The following SH3RF3 variants were observed in gnomAD, a reference collection of about 807,000 sequenced individuals.
SH3RF3 encodes the protein E3 ubiquitin-protein ligase SH3RF3.
Under a neutral mutation model 66.3 loss-of-function variants are expected in SH3RF3, and 29 were observed. The observed-to-expected ratio is 0.44, with a 90% confidence interval of 0.33 to 0.60. The LOEUF is 0.60. Ranked by LOEUF, SH3RF3 falls within the 20% of genes least tolerant of loss-of-function variation. The pLI is 0.04. For missense variants in SH3RF3, 1,194 were observed against 1,190.9 expected (o/e 1.00, Z -0.04); for synonymous variants, 583 against 532.0 (o/e 1.10, Z -1.32).
intron 1 of SH3RF3, among the ~76,000 whole-genome samples, chr2:109,338,523 A>G (rs963954947): frequency 1.3e-5 from 2 of 152,040 alleles, no homozygotes; most frequent in African/African-American, 2.4e-5. Flanking sequence ...AGTTAGGGCA[A>G]CAACCCCCGG....
At chr2:109,222,116 G>T (rs537626536) in intron 1 of SH3RF3, among the ~76,000 whole-genome samples, 12 of 152,170 alleles carry the variant, frequency 7.9e-5, no homozygotes, top group African/African-American at 2.7e-4. Context: ...AATATTGGAC[G>T]ATCTCACTCA....
chr2:109,211,730 C>T (rs779047240), intron 1 of SH3RF3, among the ~76,000 whole-genome samples: 1 of 151,930 alleles, frequency 6.6e-6, no homozygotes, highest in Non-Finnish European at 1.5e-5. Context: ...CTTCAACCTC[C>T]GCCTGCTGGG....
chr2:109,438,167 G>A (rs1368287611), intron 7 of SH3RF3, among the ~76,000 whole-genome samples: 1 of 152,338 alleles, frequency 6.6e-6, no homozygotes, highest in East Asian at 1.9e-4. Flanking sequence ...GTCAGCAGAG[G>A]CCATATTTCC....
chr2:109,301,844 T>C (rs1681476737), intron 1 of SH3RF3, among the ~76,000 whole-genome samples: 1 of 152,208 alleles, frequency 6.6e-6, no homozygotes, highest in Non-Finnish European at 1.5e-5. Flanking sequence ...CTTTAGCATG[T>C]TTGAGAATTT....
chr2:109,406,954 T>C (rs913264623), intron 4 of SH3RF3, among the ~76,000 whole-genome samples: 1 of 152,136 alleles, frequency 6.6e-6, no homozygotes, highest in Non-Finnish European at 1.5e-5. Context: ...ACTCAGCAAG[T>C]TTGCATTTCT....
chr2:109,401,319 G>T (rs1676307409), intron 4 of SH3RF3, among the ~76,000 whole-genome samples: 1 of 152,234 alleles, frequency 6.6e-6, no homozygotes, highest in South Asian at 2.1e-4. Flanking sequence ...GGTTTGAGGG[G>T]TACCCCTAAG....
At chr2:109,287,527 A>G (rs554079996) in intron 1 of SH3RF3, among the ~76,000 whole-genome samples, 1 of 152,150 alleles carries the variant, frequency 6.6e-6, no homozygotes, top group South Asian at 2.1e-4. Flanking sequence ...GGTGACTTCC[A>G]TGCACCCTGC....
In SH3RF3 at chr2:109,336,518, C is replaced by T. The variant is rs184800317; in HGVS notation, c.574-11156C>T. Among the ~76,000 whole-genome samples the T allele has an allele frequency of 2.6e-3, 393 of 152,320 alleles. 3 individuals are homozygous for T. The highest frequency in any genetic ancestry group is 8.9e-3 in the African/African-American group (369 of 41,574). On this transcript the variant is annotated intron_variant, in intron 1 of 9. Coordinates refer to ENST00000309415, the MANE Select transcript of SH3RF3 (RefSeq NM_001099289.3). ...GTGCTGAGGACTCGCTGTGAGGCCC[C>T]GTGTACCCCGCAGGCTGCTCTTGAA...
chr2:109,237,145 G>T (rs1002564430), intron 1 of SH3RF3, among the ~76,000 whole-genome samples: 19 of 152,188 alleles, frequency 1.2e-4, no homozygotes, highest in Admixed American at 6.5e-5. Context: ...TCACGGAATA[G>T]ATTTTAAAGA....
chr2:109,419,135 G>C (rs971377137), intron 4 of SH3RF3, among the ~76,000 whole-genome samples: 1 of 152,222 alleles, frequency 6.6e-6, no homozygotes, highest in Non-Finnish European at 1.5e-5. Flanking sequence ...TTAATCTCCA[G>C]TTCCTGGGGA....
chr2:109,165,119 C>T (rs781642941), intron 1 of SH3RF3, among the ~76,000 whole-genome samples: 1 of 152,300 alleles, frequency 6.6e-6, no homozygotes, highest in African/African-American at 2.4e-5. Flanking sequence ...CTGGCTTCCC[C>T]CCTCCTTTAG....
chr2:109,136,033 G>A (rs1676807565), intron 1 of SH3RF3, among the ~76,000 whole-genome samples: 1 of 152,164 alleles, frequency 6.6e-6, no homozygotes, highest in Admixed American at 6.5e-5. Flanking sequence ...CTAGAATCAG[G>A]CTGCTTGCTG....
rs562441087 is a variant in SH3RF3, at chr2:109,381,336, T to C, written c.945+9655T>C. 9.2e-5 allele frequency among the ~76,000 whole-genome samples: 14 copies of C among 152,336 alleles called. No homozygotes were observed. In the South Asian group the frequency reaches 2.3e-3, roughly 25 times the overall value. On this transcript the variant is annotated intron_variant, in intron 3 of 9. Coordinates refer to ENST00000309415, the MANE Select transcript of SH3RF3 (RefSeq NM_001099289.3). ...GTTTTTCTGCTTCTCCTGTCACTCA[T>C]ATGGACAGTGCACTTTCCACTGAGC...
chr2:109,152,503 C>T (rs12614281), intron 1 of SH3RF3, among the ~76,000 whole-genome samples: 6 of 152,152 alleles, frequency 3.9e-5, no homozygotes, highest in Non-Finnish European at 5.9e-5. Flanking sequence ...GCATTCAGAG[C>T]GAAAGCTCAT....
intron 1 of SH3RF3, among the ~76,000 whole-genome samples, chr2:109,171,633 C>T (rs1204318746): frequency 6.6e-6 from 1 of 152,228 alleles, no homozygotes; most frequent in African/African-American, 2.4e-5. Context: ...GAGACATTTC[C>T]TGTGCGGGAA....
At chr2:109,256,034 C>T (rs768147411) in intron 1 of SH3RF3, among the ~76,000 whole-genome samples, 21 of 152,176 alleles carry the variant, frequency 1.4e-4, no homozygotes, top group Non-Finnish European at 2.8e-4. Flanking sequence ...TCTTACTGTC[C>T]TCTTTTTCCT....
In SH3RF3 at chr2:109,420,602, C is replaced by T. The variant is rs1033507346; in HGVS notation, c.1403+960C>T. Among the ~76,000 whole-genome samples, 11 of 152,210 alleles carry T rather than the reference C, an allele frequency of 7.2e-5. No homozygotes were observed. In the South Asian group the frequency reaches 8.3e-4, roughly 11 times the overall value. ...CTGGGACTACAGGTGCCAGCCACCACGCCTGGCTAAATTTTTGTATTTTTA... is the reference window on the plus strand; with the variant it reads ...CTGGGACTACAGGTGCCAGCCACCATGCCTGGCTAAATTTTTGTATTTTTA... On this transcript the variant is annotated intron_variant, in intron 5 of 9. Coordinates refer to ENST00000309415, the MANE Select transcript of SH3RF3 (RefSeq NM_001099289.3).
intron 1 of SH3RF3, among the ~76,000 whole-genome samples, chr2:109,235,544 C>T (rs1326975477): frequency 6.6e-6 from 1 of 152,246 alleles, no homozygotes; most frequent in Non-Finnish European, 1.5e-5. Context: ...GAAGCAGGTG[C>T]TGCTGGAAGT....
At chr2:109,349,697 G>A (rs13407916) in intron 2 of SH3RF3, among the ~76,000 whole-genome samples, 42,524 of 152,188 alleles carry the variant, frequency 0.28, 6,610 homozygotes, top group East Asian at 0.59. Flanking sequence ...CTCACAGGAG[G>A]AGGCTCTCCA....
Sources: allele counts gnomAD v4.1 joint callset (sites outside exome capture counted in the v4.1 genomes callset), GRCh38; gene constraint gnomAD v4.1.1; transcripts MANE v1.5; gene names NCBI Gene and HGNC (gene_info 2026-07-23, HGNC 2026-07-21).